KCNH7: variants seen among roughly 807,000 people sequenced by gnomAD.
The protein encoded by KCNH7 is potassium voltage-gated channel subfamily H member 7.
KCNH7 carries 49 observed loss-of-function variants against 120.8 expected under a neutral mutation model. The observed-to-expected ratio is 0.41, with a 90% CI of 0.32 to 0.51. KCNH7 has a LOEUF of 0.51. Ranked by LOEUF, KCNH7 falls within the 20% of genes least tolerant of loss-of-function variation. The pLI is 0.38. For synonymous variants in KCNH7, 547 were observed against 516.1 expected, an observed-to-expected ratio of 1.06 and a Z score of -0.81; for missense variants, 1,097 against 1,446.6, an observed-to-expected ratio of 0.76 and a Z score of 3.92.
At chr2:162,714,538 G>A (rs1271552672) in intron 2 of KCNH7, among the ~76,000 whole-genome samples, 1 of 152,106 alleles carries the variant, frequency 6.6e-6, no homozygotes, top group African/African-American at 2.4e-5. Context: ...CAATAACCAG[G>A]CTAGACTTCT....
At chr2:162,774,513 G>C (rs1683167147) in intron 2 of KCNH7, among the ~76,000 whole-genome samples, 1 of 152,110 alleles carries the variant, frequency 6.6e-6, no homozygotes, top group Admixed American at 6.5e-5. Flanking sequence ...GTGGGTAACT[G>C]TAGGTTTCTT....
At chr2:162,481,910 AT>A (rs1260736164) in intron 6 of KCNH7, among the ~76,000 whole-genome samples, 4 of 152,156 alleles carry the variant, frequency 2.6e-5, no homozygotes, top group Admixed American at 6.6e-5. Flanking sequence ...AGTTAAGAAA[AT>A]GAAATAAACT....
At chr2:162,662,348 GCATT>G (rs532482726) in intron 2 of KCNH7, among the ~76,000 whole-genome samples, 53 of 152,148 alleles carry the variant, frequency 3.5e-4, no homozygotes, top group Non-Finnish European at 6.2e-4. Context: ...ACAGTAAAAT[GCATT>G]CATTTAACAC....
At chr2:162,484,457 G>A (rs76794884) in intron 6 of KCNH7, among the ~76,000 whole-genome samples, 2,197 of 152,188 alleles carry the variant, frequency 0.014, 62 homozygotes, top group African/African-American at 0.049. Context: ...ATGCTCTTAA[G>A]GAAGTTTTCC....
chr2:162,606,835 TAAAC>T (rs1682789499), intron 2 of KCNH7, among the ~76,000 whole-genome samples: 1 of 152,110 alleles, frequency 6.6e-6, no homozygotes, highest in Admixed American at 6.6e-5. Flanking sequence ...ATCAGCATCT[TAAAC>T]AAAATATATA....
At position 162,423,367 on chromosome 2, in the gene KCNH7, C is replaced by T; in HGVS notation, c.2123G>A (p.Trp708Ter). ...CATGTCAATGCCATTGGTGTAAGTC[C>T]ATGCGTGCTGGAAATATTCTTCAAG... ...QRLEEYFQHA[W>*]TYTNGIDMNM... The change falls in exon 9 of 16, where the codon TGG (tryptophan) becomes TAG (stop). Residue 708 changes from tryptophan (W) to a stop codon, truncating the protein, a stop_gained. Coordinates refer to ENST00000332142, the MANE Select transcript of KCNH7 (RefSeq NM_033272.4). LOFTEE classifies it high-confidence loss of function. The T allele has an allele frequency of 6.2e-7, 1 of 1,614,092 alleles. No homozygotes were observed. Among genetic ancestry groups the T allele is most frequent in the Non-Finnish European group, 8.5e-7 (1 of 1,179,972 alleles).
chr2:162,561,324 C>T (rs1023466702), intron 2 of KCNH7, among the ~76,000 whole-genome samples: 12 of 152,122 alleles, frequency 7.9e-5, no homozygotes, highest in Non-Finnish European at 2.9e-5. Flanking sequence ...AAAGAATCGA[C>T]ATTTCATTTT....
At chr2:162,525,722 T>C (rs59142519) in intron 3 of KCNH7, among the ~76,000 whole-genome samples, 14,687 of 151,964 alleles carry the variant, frequency 0.097, 2,390 homozygotes, top group African/African-American at 0.33. Flanking sequence ...GATCATGTAG[T>C]CATCACATAA....
intron 6 of KCNH7, among the ~76,000 whole-genome samples, chr2:162,460,562 T>G (rs1314650309): frequency 6.6e-6 from 1 of 152,088 alleles, no homozygotes; most frequent in Non-Finnish European, 1.5e-5. Context: ...GAGGCAGGAA[T>G]TGGAGTGATG....
At chr2:162,487,173 C>G (rs921973451) in intron 6 of KCNH7, among the ~76,000 whole-genome samples, 1 of 152,162 alleles carries the variant, frequency 6.6e-6, no homozygotes, top group African/African-American at 2.4e-5. Context: ...TATGCCTTCA[C>G]TTTTAACATA....
chr2:162,551,938 T>C (rs927167321), intron 2 of KCNH7, among the ~76,000 whole-genome samples: 1 of 152,162 alleles, frequency 6.6e-6, no homozygotes, highest in Non-Finnish European at 1.5e-5. Flanking sequence ...TTGGTGGAAA[T>C]GTAACATTTT....
chr2:162,838,722 G>C lies in KCNH7; in HGVS notation c.-204C>G. 4.9e-6 allele frequency: 2 copies of C among 411,304 alleles called. No homozygotes were observed. Among genetic ancestry groups the C allele is most frequent in the South Asian group, 9.1e-5 (2 of 21,954 alleles). 25.5% of individuals were successfully genotyped at this position (411,304 alleles called of 1,614,324 possible). ...TCCAATCCATTCCCCTCACCTTCCG[G>C]AGGGGGCCTCGCACCGGACTGCCGC... On this transcript the variant is annotated 5_prime_UTR_variant, in exon 1 of 16. Coordinates refer to ENST00000332142, the MANE Select transcript of KCNH7 (RefSeq NM_033272.4).
At chr2:162,493,354 T>G (rs1346104495) in intron 6 of KCNH7, among the ~76,000 whole-genome samples, 1 of 152,188 alleles carries the variant, frequency 6.6e-6, no homozygotes, top group East Asian at 1.9e-4. Context: ...GATCAAATAT[T>G]TTTTGAAGGA....
intron 9 of KCNH7, among the ~76,000 whole-genome samples, chr2:162,410,236 A>C (rs1305201439): frequency 1.3e-5 from 2 of 152,108 alleles, no homozygotes; most frequent in Non-Finnish European, 1.5e-5. Flanking sequence ...ACAAACATAG[A>C]CTAATGGAAT....
intron 2 of KCNH7, among the ~76,000 whole-genome samples, chr2:162,777,639 TCTC>T (rs1219074128): frequency 1.3e-5 from 2 of 152,128 alleles, no homozygotes; most frequent in Non-Finnish European, 2.9e-5. Context: ...CTCATTTTAT[TCTC>T]CTAACAACCT....
At chr2:162,501,880 G>T (rs530424771) in intron 6 of KCNH7, 2 of 151,968 alleles carry the variant, frequency 1.3e-5, no homozygotes, top group African/African-American at 2.4e-5. Flanking sequence ...TATTTTAAAA[G>T]ATTTTTAAAT....
At chr2:162,752,732 C>A (rs558383058) in intron 2 of KCNH7, among the ~76,000 whole-genome samples, 1 of 151,112 alleles carries the variant, frequency 6.6e-6, no homozygotes, top group Non-Finnish European at 1.5e-5. Flanking sequence ...AACCCCATCT[C>A]TACTAAAATG....
intron 2 of KCNH7, among the ~76,000 whole-genome samples, chr2:162,824,829 T>A (rs1685228649): frequency 6.6e-6 from 1 of 151,966 alleles, no homozygotes; most frequent in African/African-American, 2.4e-5. Context: ...TCAGTTTGCA[T>A]CTCAGCAAAA....
intron 2 of KCNH7, among the ~76,000 whole-genome samples, chr2:162,723,000 TCA>T (rs1687382607): frequency 6.6e-6 from 1 of 151,808 alleles, no homozygotes; most frequent in Non-Finnish European, 1.5e-5. Context: ...GTTAAAATCC[TCA>T]GTTTATTTAT....
Sources: allele counts gnomAD v4.1 joint callset (sites outside exome capture counted in the v4.1 genomes callset), GRCh38; gene constraint gnomAD v4.1.1; transcripts MANE v1.5; gene names NCBI Gene and HGNC (gene_info 2026-07-23, HGNC 2026-07-21).